Variants in STAU2 observed in about 807,000 individuals in gnomAD.
STAU2 encodes the protein double-stranded RNA-binding protein Staufen homolog 2.
Under a neutral mutation model 65.9 loss-of-function variants are expected in STAU2, and 20 were observed. The observed-to-expected ratio is 0.30, with a 90% CI of 0.21 to 0.44. STAU2 has a LOEUF of 0.44. Among genes scored for constraint, STAU2 ranks in the 20% least tolerant of loss-of-function variants. The pLI is 1.00. For synonymous variants in STAU2, 232 were observed against 233.9 expected, an observed-to-expected ratio of 0.99 and a Z score of 0.07; for missense variants, 558 against 683.9, an observed-to-expected ratio of 0.82 and a Z score of 2.05.
intron 5 of STAU2, among the ~76,000 whole-genome samples, chr8:73,678,597 T>C (rs1368299395): frequency 1.3e-5 from 2 of 152,218 alleles, no homozygotes; most frequent in South Asian, 2.1e-4. Flanking sequence ...CGTGTTCATA[T>C]ATAAGACTGT....
At chr8:73,487,972 A>G (rs897810152) in intron 13 of STAU2, among the ~76,000 whole-genome samples, 2 of 152,084 alleles carry the variant, frequency 1.3e-5, no homozygotes, top group African/African-American at 4.8e-5. Flanking sequence ...TGGGAAAAAA[A>G]TCTGTTTACC....
In STAU2 at chr8:73,475,522, G is replaced by A. The variant is rs114055556; in HGVS notation, c.1531-52820C>T. On this transcript the variant is annotated intron_variant, in intron 13 of 14. Transcript: ENST00000524300. ...TATAAATTCAGTGGATGCTATTTTA[G>A]TAATATGGATTTTGTTCCATTTTTG... 4.8e-3 allele frequency among the ~76,000 whole-genome samples: 725 copies of A among 152,260 alleles called. 7 individuals carry two copies. The highest frequency in any genetic ancestry group is 0.016 in the African/African-American group (680 of 41,548).
intron 13 of STAU2, chr8:73,439,204 G>T: frequency 2.8e-6 from 1 of 359,710 alleles, no homozygotes; most frequent in South Asian, 2.1e-5. Context: ...GAAGACATGT[G>T]CACAGCTGGC....
rs74974825 is a variant in STAU2 at position 73,721,403 on chromosome 8, A to C, written c.-17-12241T>G. ...TACGTATTCTACTCTTTTTAGGTAGAGTGTTCTATAAATGCAATTAGGTCA... is the reference window on the plus strand; with the variant it reads ...TACGTATTCTACTCTTTTTAGGTAGCGTGTTCTATAAATGCAATTAGGTCA... On this transcript the variant is annotated intron_variant, in intron 3 of 14. Transcript: ENST00000524300. 5.1e-3 allele frequency among the ~76,000 whole-genome samples: 767 copies of C among 150,638 alleles called. 4 individuals are homozygous for C. The highest frequency in any genetic ancestry group is 0.018 in the African/African-American group (736 of 41,166).
intron 5 of STAU2, among the ~76,000 whole-genome samples, chr8:73,678,364 A>G (rs975915840): frequency 2.0e-5 from 3 of 150,910 alleles, no homozygotes; most frequent in Non-Finnish European, 4.4e-5. Context: ...AAAACCATCT[A>G]TAAAATTTTT....
At chr8:73,723,675 C>T (rs1361346985) in intron 3 of STAU2, among the ~76,000 whole-genome samples, 8 of 152,090 alleles carry the variant, frequency 5.3e-5, no homozygotes. Flanking sequence ...GTATATTTTT[C>T]ATCTCAGTTG....
intron 13 of STAU2, among the ~76,000 whole-genome samples, chr8:73,464,277 C>G (rs1819528504): frequency 6.6e-6 from 1 of 152,076 alleles, no homozygotes; most frequent in Admixed American, 6.6e-5. Context: ...AATTGGTTCT[C>G]AGAAGTCTCC....
intron 13 of STAU2, among the ~76,000 whole-genome samples, chr8:73,471,817 T>TA (rs569600617): frequency 0.25 from 21,238 of 86,620 alleles, 3,202 homozygotes; most frequent in East Asian, 0.62. Context: ...AGACTCCAAC[T>TA]AAAAAAAAAA....
intron 6 of STAU2, among the ~76,000 whole-genome samples, chr8:73,637,058 C>T (rs1169583070): frequency 6.6e-6 from 1 of 150,904 alleles, no homozygotes; most frequent in South Asian, 2.1e-4. Flanking sequence ...AAGGAGATGA[C>T]CAAGGAATTA....
intron 13 of STAU2, among the ~76,000 whole-genome samples, chr8:73,493,314 C>T (rs1821236475): frequency 6.6e-6 from 1 of 151,562 alleles, no homozygotes; most frequent in South Asian, 2.1e-4. Context: ...CATGAAAACA[C>T]ATTGATAAGA....
At chr8:73,480,222 C>T (rs1820538657) in intron 13 of STAU2, among the ~76,000 whole-genome samples, 1 of 152,124 alleles carries the variant, frequency 6.6e-6, no homozygotes, top group African/African-American at 2.4e-5. Context: ...TTGGAATAGT[C>T]CCATTCCCTG....
At chr8:73,698,285 A>C (rs1819818611) in intron 4 of STAU2, among the ~76,000 whole-genome samples, 1 of 152,160 alleles carries the variant, frequency 6.6e-6, no homozygotes, top group African/African-American at 2.4e-5. Context: ...CAAATAACAA[A>C]ATGGCAGGAG....
intron 13 of STAU2, among the ~76,000 whole-genome samples, chr8:73,471,559 C>A (rs1445440580): frequency 6.7e-6 from 1 of 149,654 alleles, no homozygotes; most frequent in Non-Finnish European, 1.5e-5. Context: ...TGGCTCACGC[C>A]TGTAATCCCA....
Position 73,683,751 on chromosome 8 carries a change from T to C in STAU2, c.274+4903A>G, listed in dbSNP as rs977009379. Among the ~76,000 whole-genome samples the C allele has an allele frequency of 6.6e-5, 10 of 152,190 alleles. No homozygotes were observed. The East Asian group carries it at 1.7e-3, about 26-fold the overall frequency. On this transcript the variant is annotated intron_variant, in intron 5 of 14. Coordinates refer to ENST00000524300, the MANE Select transcript of STAU2 (RefSeq NM_001164380.2). Reference sequence around the variant, plus strand: ...AAAGCTCCTAGATCTGATAAATGAATTCAGTAAAGTTTCAAGATACAAAAT... The same window carrying C: ...AAAGCTCCTAGATCTGATAAATGAACTCAGTAAAGTTTCAAGATACAAAAT...
chr8:73,464,975 C>T (rs1047247672), intron 13 of STAU2, among the ~76,000 whole-genome samples: 1 of 152,176 alleles, frequency 6.6e-6, no homozygotes, highest in Non-Finnish European at 1.5e-5. Context: ...CCACCATTTT[C>T]TCAGCATAAT....
intron 10 of STAU2, among the ~76,000 whole-genome samples, chr8:73,598,890 A>G (rs986642804): frequency 6.6e-6 from 1 of 152,220 alleles, no homozygotes; most frequent in African/African-American, 2.4e-5. Context: ...AATATTAAAA[A>G]GATAACATTT....
intron 13 of STAU2, among the ~76,000 whole-genome samples, chr8:73,518,650 T>C (rs1004884682): frequency 6.6e-6 from 1 of 152,180 alleles, no homozygotes; most frequent in African/African-American, 2.4e-5. Flanking sequence ...TTAGTTCAGG[T>C]GGTGGGCTGA....
chr8:73,478,547 A>G lies in STAU2; in HGVS notation c.1531-55845T>C, dbSNP rs192080675. On this transcript the variant is annotated intron_variant, in intron 13 of 14. Transcript: ENST00000524300. ...TAAGTCTCAAGATGCAGCAATGCAA[A>G]CTATTTACATAAGTATATTTCAAGT... Among the ~76,000 whole-genome samples, 299 of 152,172 alleles carry G rather than the reference A, an allele frequency of 2.0e-3. 5 individuals carry two copies. The highest frequency in any genetic ancestry group is 1.1e-3 in the Non-Finnish European group (75 of 68,006).
At chr8:73,737,330 C>T (rs1462620426) in intron 3 of STAU2, among the ~76,000 whole-genome samples, 1 of 151,588 alleles carries the variant, frequency 6.6e-6, no homozygotes, top group Non-Finnish European at 1.5e-5. Context: ...ACCACCATGC[C>T]TGGCTAATTT....
Sources: allele counts gnomAD v4.1 joint callset (sites outside exome capture counted in the v4.1 genomes callset), GRCh38; gene constraint gnomAD v4.1.1; transcripts MANE v1.5; gene names NCBI Gene and HGNC (gene_info 2026-07-23, HGNC 2026-07-21).